Variants in CALCR observed in about 807,000 individuals in gnomAD.
CALCR encodes the protein calcitonin receptor.
In CALCR, 47 loss-of-function variants were observed where a neutral mutation model predicts 59.5. The ratio of observed to expected loss-of-function variants is 0.79; its 90% CI spans 0.63 to 1.01. The LOEUF (loss-of-function observed/expected upper bound fraction) is 1.01. Ranked by LOEUF, CALCR falls within the 50% of genes least tolerant of loss-of-function variation. The pLI is 0.00. For missense variants in CALCR, 566 were observed against 597.1 expected (o/e 0.95, Z 0.54); for synonymous variants, 213 against 211.3 (o/e 1.01, Z -0.07).
chr7:93,473,652 A>C (rs1800605461), intron 5 of CALCR, among the ~76,000 whole-genome samples: 1 of 137,748 alleles, frequency 7.3e-6, no homozygotes, highest in East Asian at 2.2e-4. Flanking sequence ...ACATCTTACT[A>C]TCCCTCCAAC....
chr7:93,573,922 A>G (rs1032057960), intron 2 of CALCR, among the ~76,000 whole-genome samples: 2 of 152,236 alleles, frequency 1.3e-5, no homozygotes, highest in Non-Finnish European at 2.9e-5. Context: ...TTGTCAGTTA[A>G]TAAACACCCT....
chr7:93,503,059 T>C (rs961927205), intron 2 of CALCR, among the ~76,000 whole-genome samples: 14 of 152,144 alleles, frequency 9.2e-5, no homozygotes, highest in Middle Eastern at 3.2e-3. Context: ...GGTAAAATAC[T>C]AGATTTGCTA....
chr7:93,567,685 T>C (rs1027097735), intron 2 of CALCR, among the ~76,000 whole-genome samples: 1 of 152,162 alleles, frequency 6.6e-6, no homozygotes, highest in Non-Finnish European at 1.5e-5. Flanking sequence ...TTTCTTCTGA[T>C]GCTATCCCTC....
chr7:93,428,262 A>G (rs538956037), intron 13 of CALCR, among the ~76,000 whole-genome samples: 5 of 152,190 alleles, frequency 3.3e-5, no homozygotes, highest in African/African-American at 1.2e-4. Context: ...CAACAGCCCT[A>G]TGGGAAGGGC....
Position 93,479,400 on chromosome 7 carries a change from G to A in CALCR, c.159C>T (p.Tyr53=). 6.2e-7 allele frequency: 1 copy of A among 1,612,448 alleles called. No individual in the cohort carries two copies. The highest frequency in any genetic ancestry group is 8.5e-7 in the Non-Finnish European group (1 of 1,179,018). Residue 53 remains tyrosine, a synonymous_variant, in exon 4 of 14, where the codon TAC becomes TAT. Transcript: ENST00000426151. ...VGRKKMMDAQ[Y]KCYDRMQQLP... is the part of the protein sequence containing the mutation. ...ACTGCTGCATTCGGTCATAGCATTTGTACTGTGCATCCATCATCTTCTTTC... is the reference window on the plus strand; with the variant it reads ...ACTGCTGCATTCGGTCATAGCATTTATACTGTGCATCCATCATCTTCTTTC...
At chr7:93,492,421 T>G (rs1036236811) in intron 2 of CALCR, among the ~76,000 whole-genome samples, 3 of 151,450 alleles carry the variant, frequency 2.0e-5, no homozygotes, top group African/African-American at 7.3e-5. Context: ...TGTATGCCTA[T>G]TATACTTGTC....
intron 2 of CALCR, among the ~76,000 whole-genome samples, chr7:93,529,175 T>C (rs1425132281): frequency 6.6e-6 from 1 of 152,178 alleles, no homozygotes; most frequent in South Asian, 2.1e-4. Context: ...TGGGAGGTGA[T>C]TGGACCATGG....
intron 8 of CALCR, among the ~76,000 whole-genome samples, chr7:93,454,827 C>T (rs1800176891): frequency 1.3e-5 from 2 of 151,334 alleles, no homozygotes; most frequent in Admixed American, 1.3e-4. Context: ...ATATAACTTT[C>T]CAAAAACTAC....
chr7:93,477,487 T>A, intron 5 of CALCR, 71 bp downstream of exon 5: 3 of 1,055,202 alleles, frequency 2.8e-6, no homozygotes, highest in Non-Finnish European at 4.3e-6. Context: ...TTGTATCTGA[T>A]TTTCTTCTCA....
At chr7:93,458,257 T>C (rs979361289) in intron 8 of CALCR, among the ~76,000 whole-genome samples, 5 of 152,094 alleles carry the variant, frequency 3.3e-5, no homozygotes, top group African/African-American at 1.2e-4. Flanking sequence ...ATTAAGCTGC[T>C]TTCCCACGCC....
chr7:93,479,436 G>A lies in CALCR; in HGVS notation c.123C>T (p.Tyr41=), dbSNP rs775906580. Residue 41 remains tyrosine, a synonymous_variant, in exon 4 of 14, where the codon TAC becomes TAT. Coordinates refer to ENST00000426151, the MANE Select transcript of CALCR (RefSeq NM_001742.4). ...YPTIEPKPFL[Y]VVGRKKMMDA... is the part of the protein sequence containing the mutation. ...CCATCATCTTCTTTCGTCCTACGAC[G>A]TAAAGAAATGGCTTGGGCTCTATTG... 57 of 1,612,432 alleles carry A rather than the reference G, an allele frequency of 3.5e-5. No homozygotes were observed. In the Middle Eastern group the frequency reaches 4.9e-4, roughly 14 times the overall value.
At chr7:93,545,363 A>C (rs1220404533) in intron 2 of CALCR, among the ~76,000 whole-genome samples, 1 of 152,176 alleles carries the variant, frequency 6.6e-6, no homozygotes, top group Non-Finnish European at 1.5e-5. Flanking sequence ...TCAACTATCC[A>C]GTGTAATTTC....
chr7:93,468,636 C>T (rs919305766), intron 7 of CALCR, 79 bp downstream of exon 7: 11 of 955,402 alleles, frequency 1.2e-5, no homozygotes, highest in Non-Finnish European at 1.6e-6. Flanking sequence ...CCTTCCCCAC[C>T]TCCACTCTTG....
chr7:93,443,846 A>T, intron 8 of CALCR, 89 bp from the exon 9 acceptor site: 2 of 1,099,852 alleles, frequency 1.8e-6, no homozygotes, highest in Non-Finnish European at 2.7e-6. Context: ...AAGCCAAAGT[A>T]TCTGCATTCA....
chr7:93,540,426 G>A (rs1789102202), intron 2 of CALCR, among the ~76,000 whole-genome samples: 1 of 151,990 alleles, frequency 6.6e-6, no homozygotes, highest in East Asian at 1.9e-4. Context: ...TTTGAATTGA[G>A]ATCCAATAAA....
intron 2 of CALCR, among the ~76,000 whole-genome samples, chr7:93,546,636 C>T (rs540926172): frequency 4.0e-5 from 6 of 151,450 alleles, no homozygotes; most frequent in African/African-American, 1.2e-4. Context: ...ACTGCAGCCT[C>T]GACCTTTCTG....
chr7:93,440,910 A>G (rs1183021170), intron 9 of CALCR, among the ~76,000 whole-genome samples: 1 of 152,150 alleles, frequency 6.6e-6, no homozygotes, highest in African/African-American at 2.4e-5. Flanking sequence ...TTCTACTTGA[A>G]TCATTCGAAT....
intron 3 of CALCR, among the ~76,000 whole-genome samples, chr7:93,480,397 A>T (rs1800769379): frequency 6.6e-6 from 1 of 151,408 alleles, no homozygotes; most frequent in Non-Finnish European, 1.5e-5. Flanking sequence ...TCTTTTTTTG[A>T]GGAGACCTAA....
At chr7:93,427,901 C>T (rs1036483774) in intron 13 of CALCR, among the ~76,000 whole-genome samples, 6 of 148,584 alleles carry the variant, frequency 4.0e-5, no homozygotes, top group African/African-American at 1.5e-4. Flanking sequence ...CACAGCACAG[C>T]AACCGTAAGG....
Sources: gnomAD v4.1 joint callset for allele counts (sites outside exome capture counted in the v4.1 genomes callset) on GRCh38, gnomAD v4.1.1 for gene constraint, MANE v1.5 for transcripts, NCBI Gene and HGNC (gene_info 2026-07-23, HGNC 2026-07-21) for gene names.